ZBTB20: variants seen among roughly 807,000 people sequenced by gnomAD.
ZBTB20 encodes the protein zinc finger and BTB domain-containing protein 20.
A neutral mutation model predicts 56.9 loss-of-function variants in ZBTB20; 9 were observed. The ratio of observed to expected loss-of-function variants is 0.16; its 90% confidence interval spans 0.10 to 0.28. The LOEUF is 0.28. ZBTB20 is among the 10% of genes least tolerant of loss of function. The pLI is 1.00. For missense variants in ZBTB20, 655 were observed against 1,003.0 expected (o/e 0.65, Z 4.69); for synonymous variants, 417 against 420.7 (o/e 0.99, Z 0.11).
intron 7 of ZBTB20, among the ~76,000 whole-genome samples, chr3:114,486,208 T>A (rs2042136382): frequency 6.8e-6 from 1 of 146,766 alleles, no homozygotes; most frequent in Non-Finnish European, 1.5e-5. Context: ...TAGAATGTTA[T>A]CCTACATGTC....
At position 114,332,151 on chromosome 3, in the gene ZBTB20, G is replaced by C. The variant is rs1193090819; in HGVS notation, c.*6854C>G. ...AAAGAAACCTCTGAATTTGAAACAG[G>C]GTTAGTAGGGACTTTTATACCCAGC... On this transcript the variant is annotated 3_prime_UTR_variant, in exon 12 of 12. Coordinates refer to ENST00000675478, the MANE Select transcript of ZBTB20 (RefSeq NM_001348800.3). The C allele has an allele frequency of 6.6e-6, 1 of 150,854 alleles. No homozygotes were observed. Among genetic ancestry groups the C allele is most frequent in the Non-Finnish European group, 1.5e-5 (1 of 67,864 alleles). The allele number at this position is 150,854 out of a possible 1,614,324, so 9.3% of individuals were successfully genotyped here. A position where few individuals can be genotyped will look rare whatever the true frequency, so the allele number is the denominator to read the frequency against.
intron 5 of ZBTB20, among the ~76,000 whole-genome samples, chr3:114,787,366 T>TATATATACATACAC (rs1278656494): frequency 1.2e-5 from 1 of 82,900 alleles, no homozygotes; most frequent in African/African-American, 5.3e-5. Flanking sequence ...TATATATATA[T>TATATATACATACAC]ATACACACAC....
At chr3:114,615,200 C>T (rs1320612701) in intron 6 of ZBTB20, among the ~76,000 whole-genome samples, 1 of 152,152 alleles carries the variant, frequency 6.6e-6, no homozygotes, top group Admixed American at 6.5e-5. Flanking sequence ...TTTAAAGTAT[C>T]ACTTAATAAA....
intron 3 of ZBTB20, among the ~76,000 whole-genome samples, chr3:114,953,946 T>C (rs530337559): frequency 2.6e-5 from 4 of 152,250 alleles, no homozygotes; most frequent in Non-Finnish European, 4.4e-5. Context: ...TATAGCCAAC[T>C]ACAGTTTTCG....
chr3:114,399,771 A>T (rs1300394932), intron 7 of ZBTB20, among the ~76,000 whole-genome samples: 1 of 151,638 alleles, frequency 6.6e-6, no homozygotes, highest in Non-Finnish European at 1.5e-5. Context: ...AAAAATAAAT[A>T]GTTTACTTTT....
chr3:115,024,233 A>G (rs1050583978), intron 2 of ZBTB20, among the ~76,000 whole-genome samples: 4 of 151,040 alleles, frequency 2.6e-5, no homozygotes, highest in Non-Finnish European at 5.9e-5. Flanking sequence ...TATTTAGCCA[A>G]TAAATATTTA....
At chr3:114,874,841 C>G (rs2076134061) in intron 4 of ZBTB20, among the ~76,000 whole-genome samples, 1 of 152,180 alleles carries the variant, frequency 6.6e-6, no homozygotes, top group Non-Finnish European at 1.5e-5. Flanking sequence ...GACAACTTGT[C>G]TAGCTATACA....
chr3:114,967,370 A>G (rs992726248), intron 3 of ZBTB20, among the ~76,000 whole-genome samples: 1 of 152,234 alleles, frequency 6.6e-6, no homozygotes, highest in African/African-American at 2.4e-5. Flanking sequence ...TGATATCAGC[A>G]AAGTGTTCAC....
chr3:114,940,836 C>T (rs908093827), intron 3 of ZBTB20, among the ~76,000 whole-genome samples: 2 of 145,914 alleles, frequency 1.4e-5, no homozygotes, highest in Non-Finnish European at 2.9e-5. Flanking sequence ...TGCTCCTCTA[C>T]TCAACAATGA....
At chr3:114,851,977 T>C (rs372330486) in intron 4 of ZBTB20, among the ~76,000 whole-genome samples, 29 of 152,218 alleles carry the variant, frequency 1.9e-4, no homozygotes, top group Non-Finnish European at 3.8e-4. Context: ...GAGATACGAG[T>C]TGCCAATCAA....
At chr3:114,866,501 C>A (rs192849837) in intron 4 of ZBTB20, among the ~76,000 whole-genome samples, 3 of 152,230 alleles carry the variant, frequency 2.0e-5, no homozygotes, top group Non-Finnish European at 4.4e-5. Context: ...CTTGACTGAG[C>A]CACAGGGTGC....
intron 2 of ZBTB20, among the ~76,000 whole-genome samples, chr3:114,991,864 T>C (rs2078826374): frequency 6.6e-6 from 1 of 152,156 alleles, no homozygotes; most frequent in African/African-American, 2.4e-5. Context: ...TGTAATGGCC[T>C]TCTTTGTCTC....
In ZBTB20 at chr3:114,322,492, C is replaced by A. The variant is rs1245221130; in HGVS notation, c.*16513G>T. The A allele has an allele frequency of 6.6e-6, 1 of 152,194 alleles. No homozygotes were observed. The highest frequency in any genetic ancestry group is 1.5e-5 in the Non-Finnish European group (1 of 68,042). 9.4% of individuals were successfully genotyped at this position (152,194 alleles called of 1,614,324 possible). On this transcript the variant is annotated 3_prime_UTR_variant, in exon 12 of 12. Coordinates refer to ENST00000675478, the MANE Select transcript of ZBTB20 (RefSeq NM_001348800.3). ...GAAATTGCGATCTGAAGATTAAAAT[C>A]TTTGGTGACAGAACTGGAGTGGATA...
intron 5 of ZBTB20, among the ~76,000 whole-genome samples, chr3:114,765,122 A>G (rs988742872): frequency 2.6e-5 from 4 of 152,212 alleles, no homozygotes; most frequent in African/African-American, 7.2e-5. Flanking sequence ...AGAACTATGT[A>G]CAGCTTGCAA....
At chr3:114,718,855 G>T (rs1016721440) in intron 5 of ZBTB20, among the ~76,000 whole-genome samples, 2 of 151,632 alleles carry the variant, frequency 1.3e-5, no homozygotes, top group African/African-American at 4.8e-5. Flanking sequence ...TCCATTTTGG[G>T]TCATGAGAAC....
rs2046134833 is a variant in ZBTB20 at position 114,517,457 on chromosome 3, A to G, written c.-294-17066T>C. ...TTCACAGTTTACAAAGTAATAAGGA[A>G]GACAATGAGGTCTCATACTAGAGGC... On this transcript the variant is annotated intron_variant, in intron 6 of 11. Coordinates refer to ENST00000675478, the MANE Select transcript of ZBTB20 (RefSeq NM_001348800.3). Among the ~76,000 whole-genome samples, 5 of 152,226 alleles carry G rather than the reference A, an allele frequency of 3.3e-5. No individual in the cohort carries two copies. The South Asian group carries it at 1.0e-3, about 31-fold the overall frequency.
chr3:115,058,399 C>G (rs1228296200), intron 2 of ZBTB20, among the ~76,000 whole-genome samples: 1 of 152,048 alleles, frequency 6.6e-6, no homozygotes, highest in Non-Finnish European at 1.5e-5. Flanking sequence ...GTTGAAATCT[C>G]TAGATCTTTG....
chr3:114,699,901 A>G (rs2063291877), intron 5 of ZBTB20, among the ~76,000 whole-genome samples: 1 of 152,140 alleles, frequency 6.6e-6, no homozygotes, highest in South Asian at 2.1e-4. Context: ...ACTAGTATCT[A>G]AAGCTCACAG....
chr3:115,047,398 T>C (rs1358084476), intron 2 of ZBTB20, among the ~76,000 whole-genome samples: 1 of 152,228 alleles, frequency 6.6e-6, no homozygotes, highest in South Asian at 2.1e-4. Context: ...GGCTTTCTAT[T>C]TGTGCTTCTT....
Sources: allele counts gnomAD v4.1 joint callset (sites outside exome capture counted in the v4.1 genomes callset), GRCh38; gene constraint gnomAD v4.1.1; transcripts MANE v1.5; gene names NCBI Gene and HGNC (gene_info 2026-07-23, HGNC 2026-07-21).